Variants in RCL1 observed in about 807,000 individuals in gnomAD.
The protein encoded by RCL1 is RNA 3'-terminal phosphate cyclase-like protein.
In RCL1, 24 loss-of-function variants were observed where a neutral mutation model predicts 42.4. The ratio of observed to expected loss-of-function variants is 0.57; its 90% CI spans 0.41 to 0.80. The LOEUF (loss-of-function observed/expected upper bound fraction) is 0.80, where lower values mean the gene tolerates loss of function less well. RCL1 is among the 30% of genes least tolerant of loss of function. The pLI, the probability that RCL1 is intolerant of heterozygous loss-of-function variation, is 0.00. For synonymous variants in RCL1, 228 were observed against 177.3 expected (o/e 1.29, Z -2.27); for missense variants, 578 against 467.9 (o/e 1.24, Z -2.17).
rs562857224 is a variant in RCL1, at chr9:4,793,417, G to A, written c.136+190G>A. Among the ~76,000 whole-genome samples, 9 of 152,300 alleles carry A rather than the reference G, an allele frequency of 5.9e-5. 1 individual carries two copies. In the South Asian group the frequency reaches 1.4e-3, roughly 25 times the overall value. Reference sequence around the variant, plus strand: ...TGGGGGAGGCGGGGTCGGGGCCCGAGGGGAGCGCTCAGCTGCAAGCTGCGC... The same window carrying A: ...TGGGGGAGGCGGGGTCGGGGCCCGAAGGGAGCGCTCAGCTGCAAGCTGCGC... On this transcript the variant is annotated intron_variant, in intron 1 of 8. Transcript: ENST00000381750.
chr9:4,808,305 T>A lies in RCL1; in HGVS notation c.136+15078T>A, dbSNP rs148915801. Among the ~76,000 whole-genome samples, 770 of 152,256 alleles carry A rather than the reference T, an allele frequency of 5.1e-3. 5 individuals carry two copies. Among genetic ancestry groups the A allele is most frequent in the African/African-American group, 0.018 (746 of 41,540 alleles). On this transcript the variant is annotated intron_variant, in intron 1 of 8. Transcript: ENST00000381750. The stretch of plus-strand genomic sequence containing the variant: ...GTATCACTCTGTCTCTAGTATTTTT[T>A]AATTTTTTATTATTTTTTTTAAGAC...
At chr9:4,850,202 G>A (rs1341415061) in intron 8 of RCL1, 1 of 469,542 alleles carries the variant, frequency 2.1e-6, no homozygotes, top group African/African-American at 2.0e-5. Flanking sequence ...GTGTGTGTGT[G>A]TTTTCACGTG....
intron 1 of RCL1, among the ~76,000 whole-genome samples, chr9:4,795,557 A>G (rs1842900965): frequency 6.6e-6 from 1 of 152,176 alleles, no homozygotes; most frequent in Admixed American, 6.5e-5. Context: ...AGTCCTTGGT[A>G]GCTTGATTGA....
intron 6 of RCL1, among the ~76,000 whole-genome samples, chr9:4,841,917 T>C (rs572265475): frequency 6.6e-6 from 1 of 152,332 alleles, no homozygotes; most frequent in Non-Finnish European, 1.5e-5. Flanking sequence ...CTCTATGTAA[T>C]GAAGATACCT....
chr9:4,851,871 G>A (rs1428526913), intron 8 of RCL1, among the ~76,000 whole-genome samples: 1 of 144,068 alleles, frequency 6.9e-6, no homozygotes, highest in Admixed American at 7.3e-5. Context: ...AAGTAAGTCT[G>A]TATGTGTGAA....
At position 4,793,068 on chromosome 9, in the gene RCL1, C is replaced by G; in HGVS notation, c.-24C>G. On this transcript the variant is annotated 5_prime_UTR_variant, in exon 1 of 9. Coordinates refer to ENST00000381750, the MANE Select transcript of RCL1 (RefSeq NM_005772.5). ...CCGAAGTCGCCGCTCTCGGGCTGCTCACGTCTCTTCGGAGAGCGCGCACAT... is the reference window on the plus strand; with the variant it reads ...CCGAAGTCGCCGCTCTCGGGCTGCTGACGTCTCTTCGGAGAGCGCGCACAT... 6.2e-7 allele frequency: 1 copy of G among 1,603,648 alleles called. No individual in the cohort carries two copies. The highest frequency in any genetic ancestry group is 1.1e-5 in the South Asian group (1 of 89,274).
intron 2 of RCL1, among the ~76,000 whole-genome samples, chr9:4,824,469 G>C (rs1390078592): frequency 6.7e-6 from 1 of 148,830 alleles, no homozygotes; most frequent in African/African-American, 2.5e-5. Flanking sequence ...GTGGGTTGTA[G>C]TATAGTATTC....
intron 5 of RCL1, among the ~76,000 whole-genome samples, chr9:4,836,318 G>A (rs894843877): frequency 1.3e-5 from 2 of 152,076 alleles, no homozygotes; most frequent in Admixed American, 1.3e-4. Context: ...GTTGGAGGGT[G>A]GGTGCTGGAG....
chr9:4,859,150 C>T lies in RCL1; in HGVS notation c.972-975C>T, dbSNP rs553547360. On this transcript the variant is annotated intron_variant, in intron 8 of 8. Transcript: ENST00000381750. ...TCTGCCAGGCGAGACCATTAGAAGC[C>T]TGTGCACCTGCACTGCGGTTCATCC... 4.6e-5 allele frequency among the ~76,000 whole-genome samples: 7 copies of T among 152,346 alleles called. 1 individual carries two copies. The South Asian group carries it at 1.4e-3, about 32-fold the overall frequency.
chr9:4,815,747 C>G (rs1816351920), intron 1 of RCL1, among the ~76,000 whole-genome samples: 1 of 152,074 alleles, frequency 6.6e-6, no homozygotes, highest in Non-Finnish European at 1.5e-5. Flanking sequence ...ACGGTGTTGA[C>G]TCCTTCTCTG....
At chr9:4,859,564 G>A (rs557719335) in intron 8 of RCL1, among the ~76,000 whole-genome samples, 157 of 152,310 alleles carry the variant, frequency 1.0e-3, no homozygotes, top group African/African-American at 3.6e-3. Context: ...GGAGAATGAA[G>A]GGAGGGACTT....
chr9:4,860,059 G>T, intron 8 of RCL1, 66 bp from the exon 9 acceptor site: 1 of 1,140,388 alleles, frequency 8.8e-7, no homozygotes, highest in Non-Finnish European at 1.2e-6. Flanking sequence ...GATTCTAGGT[G>T]GTAGAGGATA....
chr9:4,858,361 T>C (rs1361906161), intron 8 of RCL1, among the ~76,000 whole-genome samples: 1 of 152,190 alleles, frequency 6.6e-6, no homozygotes, highest in Non-Finnish European at 1.5e-5. Flanking sequence ...TTTGATGAAG[T>C]CCAATTTATT....
chr9:4,843,018 G>A (rs541801217), intron 6 of RCL1, among the ~76,000 whole-genome samples: 4 of 152,274 alleles, frequency 2.6e-5, no homozygotes, highest in East Asian at 1.9e-4. Flanking sequence ...AGCCTTACAC[G>A]TAGATAAAGA....
intron 1 of RCL1, among the ~76,000 whole-genome samples, chr9:4,817,294 C>T (rs1045213655): frequency 6.6e-6 from 1 of 151,750 alleles, no homozygotes; most frequent in Admixed American, 6.6e-5. Context: ...ATCTTAATTC[C>T]AAATATATTG....
At chr9:4,832,207 C>A (rs1249223028) in intron 3 of RCL1, among the ~76,000 whole-genome samples, 3 of 152,202 alleles carry the variant, frequency 2.0e-5, no homozygotes, top group African/African-American at 7.2e-5. Context: ...GAGGAGATAA[C>A]AGTTACACGT....
chr9:4,835,755 G>A (rs1817104459), intron 5 of RCL1, among the ~76,000 whole-genome samples: 1 of 152,230 alleles, frequency 6.6e-6, no homozygotes, highest in African/African-American at 2.4e-5. Context: ...TTGGCCGTAA[G>A]CCTTGGTTGC....
At chr9:4,823,401 C>G (rs1389130348) in intron 1 of RCL1, 147 bp from the exon 2 acceptor site, 16 of 556,566 alleles carry the variant, frequency 2.9e-5, no homozygotes, top group Non-Finnish European at 5.0e-5. Context: ...GTGAACCTAC[C>G]CAGTCCTTTA....
At chr9:4,818,547 T>C (rs2130992438) in intron 1 of RCL1, among the ~76,000 whole-genome samples, 1 of 152,314 alleles carries the variant, frequency 6.6e-6, no homozygotes, top group Non-Finnish European at 1.5e-5. Context: ...TAATTTTGCA[T>C]GTTAACAGCT....
Sources: gnomAD v4.1 joint callset for allele counts (sites outside exome capture counted in the v4.1 genomes callset) on GRCh38, gnomAD v4.1.1 for gene constraint, MANE v1.5 for transcripts, NCBI Gene and HGNC (gene_info 2026-07-23, HGNC 2026-07-21) for gene names.